Variants in ZSWIM4 observed in about 807,000 individuals in gnomAD.
ZSWIM4 encodes the protein zinc finger SWIM domain-containing protein 4.
Under a neutral mutation model 102.5 loss-of-function variants are expected in ZSWIM4, and 62 were observed. The observed-to-expected ratio is 0.60, with a 90% confidence interval of 0.49 to 0.75. The LOEUF is 0.75. ZSWIM4 is among the 30% of genes least tolerant of loss of function. The pLI is 0.00. For synonymous variants in ZSWIM4, 652 were observed against 674.5 expected (o/e 0.97, Z 0.52); for missense variants, 1,280 against 1,529.6 (o/e 0.84, Z 2.72).
chr19:13,796,166 C>G (rs1488846298), intron 1 of ZSWIM4, among the ~76,000 whole-genome samples: 1 of 150,954 alleles, frequency 6.6e-6, no homozygotes, highest in Non-Finnish European at 1.5e-5. Context: ...CGGTACCCCT[C>G]TTTTCCCACC....
chr19:13,797,810 A>G (rs345630), intron 1 of ZSWIM4, among the ~76,000 whole-genome samples: 27,997 of 151,942 alleles, frequency 0.18, 5,249 homozygotes, highest in African/African-American at 0.48. Context: ...GAGCCGCCAT[A>G]CCCAGCTAAT....
chr19:13,798,457 A>C (rs1974667499), intron 1 of ZSWIM4, among the ~76,000 whole-genome samples: 1 of 152,024 alleles, frequency 6.6e-6, no homozygotes, highest in Admixed American at 6.6e-5. Flanking sequence ...CTTAATCATT[A>C]TTATCACTTT....
Position 13,808,868 on chromosome 19 carries a change from G to C in ZSWIM4, c.745G>C (p.Glu249Gln), listed in dbSNP as rs372440237. The C allele has an allele frequency of 1.3e-5, 21 of 1,611,048 alleles. No individual in the cohort carries two copies. The Admixed American group carries it at 1.7e-4, about 13-fold the overall frequency. ...APDPTAGAGI[E>Q]DANCWHLDEE... ...AGACCCCACCGCCGGCGCAGGAATC[G>C]AGGACGCCAACTGCTGGCACCTGGA... is the stretch of plus-strand genomic sequence containing the variant. Residue 249 changes from glutamate (E) to glutamine (Q), a missense_variant, in exon 4 of 14, where the codon GAG becomes CAG. Coordinates refer to ENST00000590508, the MANE Select transcript of ZSWIM4 (RefSeq NM_001367834.3).
intron 1 of ZSWIM4, chr19:13,797,027 A>C (rs1306960598): frequency 6.6e-6 from 1 of 152,358 alleles, no homozygotes; most frequent in Admixed American, 6.5e-5. Context: ...ACCCAGGTGG[A>C]GTAGGGGCTA....
At chr19:13,797,632 A>G (rs775859196) in intron 1 of ZSWIM4, among the ~76,000 whole-genome samples, 3 of 145,112 alleles carry the variant, frequency 2.1e-5, no homozygotes, top group African/African-American at 2.8e-5. Flanking sequence ...AAAAGAAAAG[A>G]AAAGAAAATC....
intron 7 of ZSWIM4, among the ~76,000 whole-genome samples, chr19:13,816,324 G>C (rs1175879984): frequency 6.6e-6 from 1 of 152,070 alleles, no homozygotes; most frequent in Non-Finnish European, 1.5e-5. Context: ...AATTAGCTGA[G>C]TATTTAAGGA....
intron 6 of ZSWIM4, among the ~76,000 whole-genome samples, chr19:13,813,946 A>G (rs1306099510): frequency 1.3e-5 from 2 of 151,608 alleles, no homozygotes; most frequent in Non-Finnish European, 2.9e-5. Context: ...GAAAGAAAGA[A>G]AGAAAAGAAA....
Position 13,825,684 on chromosome 19 carries a change from C to T in ZSWIM4, c.2350C>T (p.Leu784=), listed in dbSNP as rs1313871420. The T allele has an allele frequency of 1.2e-6, 2 of 1,611,870 alleles. No homozygotes were observed. The highest frequency in any genetic ancestry group is 1.7e-6 in the Non-Finnish European group (2 of 1,179,940). Residue 784 remains leucine (L), a synonymous_variant, in exon 12 of 14, where the codon CTG becomes TTG. Coordinates refer to ENST00000590508, the MANE Select transcript of ZSWIM4 (RefSeq NM_001367834.3). The surrounding 1 kb of genome is among the most constrained non-coding windows in gnomAD (Gnocchi z 4.6). ...PVSAPPDTTL[L]GIALELGLQV... is the part of the protein sequence containing the mutation. The stretch of plus-strand genomic sequence containing the variant: ...CAGCGCCCCACCAGACACCACGCTG[C>T]TGGGCATCGCACTGGAGCTGGGGCT...
At chr19:13,820,145 C>T (rs1244748470) in intron 10 of ZSWIM4, among the ~76,000 whole-genome samples, 1 of 152,180 alleles carries the variant, frequency 6.6e-6, no homozygotes, top group African/African-American at 2.4e-5. Flanking sequence ...GATCCACCCG[C>T]CTTGGCCTCC....
At chr19:13,826,044 G>C (rs1296370691) in intron 12 of ZSWIM4, among the ~76,000 whole-genome samples, 2 of 152,154 alleles carry the variant, frequency 1.3e-5, no homozygotes, top group African/African-American at 2.4e-5. Context: ...TGCAGGTGGG[G>C]CCTGAGTGTG....
intron 6 of ZSWIM4, among the ~76,000 whole-genome samples, chr19:13,814,197 C>T (rs1342527266): frequency 6.6e-6 from 1 of 151,654 alleles, no homozygotes; most frequent in East Asian, 2.0e-4. Context: ...GCTGGGATTA[C>T]AGGTGTGCAC....
chr19:13,798,934 G>A (rs1339060014), intron 1 of ZSWIM4, among the ~76,000 whole-genome samples: 7 of 152,140 alleles, frequency 4.6e-5, no homozygotes, highest in Non-Finnish European at 1.0e-4. Context: ...GATTATAGGT[G>A]CATGCCACCA....
intron 10 of ZSWIM4, among the ~76,000 whole-genome samples, chr19:13,819,974 G>A (rs1173456922): frequency 6.6e-6 from 1 of 151,796 alleles, no homozygotes; most frequent in Non-Finnish European, 1.5e-5. Flanking sequence ...TCCTGCCTCA[G>A]CCTCCTGAGT....
chr19:13,798,027 G>C (rs972507110), intron 1 of ZSWIM4, among the ~76,000 whole-genome samples: 2 of 152,240 alleles, frequency 1.3e-5, no homozygotes, highest in East Asian at 3.8e-4. Flanking sequence ...CTGGGCCAGG[G>C]CCGTGGGGCG....
intron 6 of ZSWIM4, among the ~76,000 whole-genome samples, chr19:13,814,060 C>CT (rs869279797): frequency 0.055 from 7,536 of 138,134 alleles, 322 homozygotes; most frequent in African/African-American, 0.11. Context: ...TACACGCATC[C>CT]TTTTTTTTTT....
In ZSWIM4 at chr19:13,825,755, G is replaced by A. The variant is rs201343953; in HGVS notation, c.2379+42G>A. 21 of 1,580,870 alleles carry A rather than the reference G, an allele frequency of 1.3e-5. No individual in the cohort carries two copies. The highest frequency in any genetic ancestry group is 5.7e-5 in the South Asian group (5 of 88,178). On this transcript the variant is annotated intron_variant, in intron 12 of 13. Coordinates refer to ENST00000590508, the MANE Select transcript of ZSWIM4 (RefSeq NM_001367834.3). The surrounding 1 kb of genome is among the most constrained non-coding windows in gnomAD (Gnocchi z 4.6). The stretch of plus-strand genomic sequence containing the variant: ...GGATGCGGGAGGGCGATGGTGGCTC[G>A]GGGCCAGGACTGACTGTGAGCTGCG...
chr19:13,814,762 C>T lies in ZSWIM4; in HGVS notation c.1428C>T (p.Ala476=). The T allele has an allele frequency of 7.8e-7, 1 of 1,287,410 alleles. No individual in the cohort carries two copies. The highest frequency in any genetic ancestry group is 1.0e-6 in the Non-Finnish European group (1 of 987,038). The allele number at this position is 1,287,410 out of a possible 1,614,324, so 79.7% of individuals were successfully genotyped here. Residue 476 remains alanine (A), a synonymous_variant, in exon 7 of 14, where the codon GCC becomes GCT. Transcript: ENST00000590508. ...TACARVDTLR[A]HGYPRQALRL... is the part of the protein sequence containing the mutation. The stretch of plus-strand genomic sequence containing the variant: ...GTGCCCGTGTGGACACCCTGCGTGC[C>T]CACGGATACCCCCGCCAGGCCCTGC...
intron 1 of ZSWIM4, among the ~76,000 whole-genome samples, chr19:13,796,374 C>A (rs898644875): frequency 4.6e-5 from 7 of 152,136 alleles, no homozygotes; most frequent in African/African-American, 1.7e-4. Flanking sequence ...TCTCCAGATC[C>A]CTACCGTACA....
In ZSWIM4 at chr19:13,819,260, C is replaced by T. The variant is rs376274863; in HGVS notation, c.1925-97C>T. On this transcript the variant is annotated intron_variant, in intron 9 of 13. Coordinates refer to ENST00000590508, the MANE Select transcript of ZSWIM4 (RefSeq NM_001367834.3). The stretch of plus-strand genomic sequence containing the variant: ...AGCCACAGCCACTCTACCCAGGGGC[C>T]AGCCCACCCTCTACTTAAAGCCTGG... 9 of 1,524,728 alleles carry T rather than the reference C, an allele frequency of 5.9e-6. No homozygotes were observed. In the African/African-American group the frequency reaches 1.1e-4, roughly 18 times the overall value. 94.4% of individuals were successfully genotyped at this position (1,524,728 alleles called of 1,614,324 possible). A position where few individuals can be genotyped will look rare whatever the true frequency, so the allele number is the denominator to read the frequency against.
Sources: allele counts gnomAD v4.1 joint callset (sites outside exome capture counted in the v4.1 genomes callset), GRCh38; gene constraint gnomAD v4.1.1; non-coding constraint Gnocchi (gnomAD v3.1); transcripts MANE v1.5; gene names NCBI Gene and HGNC (gene_info 2026-07-23, HGNC 2026-07-21).